XRCC5: variants seen among roughly 807,000 people sequenced by gnomAD.
XRCC5 encodes DNA repair protein Ku80.
XRCC5 carries 12 observed loss-of-function variants against 95.7 expected under a neutral mutation model. That is an observed-to-expected ratio of 0.13 (90% CI 0.08 to 0.20). The LOEUF is 0.20. XRCC5 is among the 10% of genes least tolerant of loss of function. The pLI is 1.00. For missense variants in XRCC5, 595 were observed against 873.9 expected (o/e 0.68, Z 4.02); for synonymous variants, 281 against 290.3 (o/e 0.97, Z 0.33).
At chr2:216,187,300 A>ATT (rs202191623) in intron 16 of XRCC5, among the ~76,000 whole-genome samples, 18,713 of 148,794 alleles carry the variant, frequency 0.13, 1,185 homozygotes, top group South Asian at 0.18. Context: ...TTAGGACTTC[A>ATT]TTTTTTTTTT....
chr2:216,133,981 G>A (rs79638239), intron 10 of XRCC5, among the ~76,000 whole-genome samples: 93 of 152,280 alleles, frequency 6.1e-4, no homozygotes, highest in African/African-American at 1.6e-3. Context: ...ACTCTGCTTC[G>A]TATCAGAGGG....
At chr2:216,203,865 T>TTC (rs1553582007) in intron 19 of XRCC5, among the ~76,000 whole-genome samples, 1 of 150,568 alleles carries the variant, frequency 6.6e-6, no homozygotes, top group African/African-American at 2.4e-5. Context: ...TTTTTTTTTT[T>TTC]CCTGATTCTT....
At chr2:216,138,441 G>C (rs1291185474) in intron 12 of XRCC5, among the ~76,000 whole-genome samples, 1 of 152,234 alleles carries the variant, frequency 6.6e-6, no homozygotes, top group Non-Finnish European at 1.5e-5. Context: ...GATGGTAATG[G>C]ATGTCCATCT....
intron 12 of XRCC5, 90 bp downstream of exon 12, chr2:216,138,269 A>ATT: frequency 9.0e-7 from 1 of 1,105,090 alleles, no homozygotes; most frequent in Non-Finnish European, 1.3e-6. Context: ...GGGGCTAGGT[A>ATT]TTTATAGGGT....
In XRCC5 at chr2:216,200,024, A is replaced by G. The variant is rs563700933; in HGVS notation, c.2110-4298A>G. ...ATAGATAGCAATTGGCCATTTTACC[A>G]ATTGGTGTTGGCCATTTTACCAACA... On this transcript the variant is annotated intron_variant, in intron 19 of 20. Coordinates refer to ENST00000392132, the MANE Select transcript of XRCC5 (RefSeq NM_021141.4). 5.2e-3 allele frequency among the ~76,000 whole-genome samples: 744 copies of G among 143,172 alleles called. 6 individuals are homozygous for G. The highest frequency in any genetic ancestry group is 0.021 in the African/African-American group (703 of 33,346). The allele number at this position is 143,172 out of a possible 152,430, so 93.9% of individuals were successfully genotyped here.
chr2:216,138,969 A>G lies in XRCC5; in HGVS notation c.1342+790A>G, dbSNP rs948834965. ...ACCCTTTGGAAGTAGTGTGCTATAG[A>G]AAGGCCAAGAATCAGATGGGTCCCT... On this transcript the variant is annotated intron_variant, in intron 12 of 20. Coordinates refer to ENST00000392132, the MANE Select transcript of XRCC5 (RefSeq NM_021141.4). 3.9e-5 allele frequency among the ~76,000 whole-genome samples: 6 copies of G among 152,234 alleles called. No individual in the cohort carries two copies. The South Asian group carries it at 1.2e-3, about 32-fold the overall frequency.
At chr2:216,149,327 G>T (rs138217025) in intron 14 of XRCC5, among the ~76,000 whole-genome samples, 35 of 151,970 alleles carry the variant, frequency 2.3e-4, no homozygotes, top group African/African-American at 8.2e-4. Context: ...TGGTTCCGCC[G>T]CACCAACTGC....
At chr2:216,193,008 T>C (rs756951223) in intron 18 of XRCC5, among the ~76,000 whole-genome samples, 14 of 152,210 alleles carry the variant, frequency 9.2e-5, no homozygotes, top group Non-Finnish European at 1.2e-4. Flanking sequence ...TTCATGGCTG[T>C]GCCTTTCTGT....
At chr2:216,187,322 T>C (rs16855563) in intron 16 of XRCC5, among the ~76,000 whole-genome samples, 21,754 of 151,720 alleles carry the variant, frequency 0.14, 1,704 homozygotes, top group African/African-American at 0.21. Context: ...ACAAAGAAAC[T>C]GGGTATTGAG....
chr2:216,175,384 A>G, intron 16 of XRCC5: 1 of 499,424 alleles, frequency 2.0e-6, no homozygotes, highest in East Asian at 5.5e-5. Flanking sequence ...TAAAGTTGTC[A>G]GATCCACCTC....
chr2:216,109,470 C>T lies in XRCC5; in HGVS notation c.21+13C>T. 1 of 1,613,884 alleles carries T rather than the reference C, an allele frequency of 6.2e-7. No homozygotes were observed. Among genetic ancestry groups the T allele is most frequent in the Non-Finnish European group, 8.5e-7 (1 of 1,179,850 alleles). On this transcript the variant is annotated intron_variant, in intron 1 of 20. Coordinates refer to ENST00000392132, the MANE Select transcript of XRCC5 (RefSeq NM_021141.4). ...GTCGGGGAATAAGGTATAAAGAAAG[C>T]CATGGACTTGGGCTTTACCCGGACT... is the stretch of plus-strand genomic sequence containing the variant.
rs746374866 is a variant in XRCC5 at position 216,109,448 on chromosome 2, G to C, written c.12G>C (p.Ser4=). The change falls in exon 1 of 21, where the codon TCG becomes TCC. Residue 4 remains serine (S), a synonymous_variant. Coordinates refer to ENST00000392132, the MANE Select transcript of XRCC5 (RefSeq NM_021141.4). Reference sequence around the variant, plus strand: ...TGAGGACCGGCAACATGGTGCGGTCGGGGAATAAGGTATAAAGAAAGCCAT... The same window carrying C: ...TGAGGACCGGCAACATGGTGCGGTCCGGGAATAAGGTATAAAGAAAGCCAT... MVR[S]GNKAAVVLCM... is the part of the protein sequence containing the mutation. The C allele has an allele frequency of 4.8e-5, 77 of 1,613,930 alleles. No individual in the cohort carries two copies. Among genetic ancestry groups the C allele is most frequent in the Non-Finnish European group, 6.4e-5 (75 of 1,179,962 alleles).
At chr2:216,192,807 A>G in intron 18 of XRCC5, 72 bp downstream of exon 18, 2 of 1,008,972 alleles carry the variant, frequency 2.0e-6, no homozygotes, top group African/African-American at 1.7e-5. Flanking sequence ...CTAAATATAC[A>G]TATAAATTCT....
chr2:216,141,324 G>T lies in XRCC5; in HGVS notation c.1476+5G>T, dbSNP rs200454347. 6.2e-7 allele frequency: 1 copy of T among 1,613,918 alleles called. No individual in the cohort carries two copies. Among genetic ancestry groups the T allele is most frequent in the South Asian group, 1.1e-5 (1 of 91,054 alleles). ...CGATTTCAGAGATTATTTCAGGTAA[G>T]AGAAGAAGGATGAACAAGTCATATT... On this transcript the variant is annotated splice_donor_5th_base_variant and intron_variant, in intron 13 of 20. Transcript: ENST00000392132.
At chr2:216,126,572 T>C (rs1275058556) in intron 7 of XRCC5, among the ~76,000 whole-genome samples, 5 of 152,226 alleles carry the variant, frequency 3.3e-5, no homozygotes, top group African/African-American at 9.6e-5. Context: ...TTTGATGAAA[T>C]TCTAGTTTGA....
chr2:216,144,290 C>G (rs1688577258), intron 13 of XRCC5, among the ~76,000 whole-genome samples: 1 of 152,150 alleles, frequency 6.6e-6, no homozygotes, highest in African/African-American at 2.4e-5. Flanking sequence ...ATCCCTTTGG[C>G]TGCAGAATAA....
At chr2:216,184,075 A>T (rs6732583) in intron 16 of XRCC5, among the ~76,000 whole-genome samples, 23,130 of 134,252 alleles carry the variant, frequency 0.17, 2,142 homozygotes, top group African/African-American at 0.32. Flanking sequence ...TGTGTGTGTG[A>T]TTTAGAGAAA....
chr2:216,185,433 T>C (rs1689477928), intron 16 of XRCC5, among the ~76,000 whole-genome samples: 1 of 152,254 alleles, frequency 6.6e-6, no homozygotes, highest in Non-Finnish European at 1.5e-5. Flanking sequence ...GGCAAATATC[T>C]TTTATAAGTT....
At chr2:216,160,515 C>CACACAATTTAAGTTAGTAT (rs1394058876) in intron 15 of XRCC5, among the ~76,000 whole-genome samples, 7 of 152,032 alleles carry the variant, frequency 4.6e-5, no homozygotes, top group Non-Finnish European at 1.0e-4. Flanking sequence ...TCTTCAAGTA[C>CACACAATTTAAGTTAGTAT]ACACAATTTA....
Sources: gnomAD v4.1 joint callset for allele counts (sites outside exome capture counted in the v4.1 genomes callset) on GRCh38, gnomAD v4.1.1 for gene constraint, MANE v1.5 for transcripts, NCBI Gene and HGNC (gene_info 2026-07-23, HGNC 2026-07-21) for gene names.